The following C10orf143 variants were observed in gnomAD, a reference collection of about 807,000 sequenced individuals.
C10orf143 encodes the protein uncharacterized protein C10orf143.
chr10:130,075,100 GA>G (rs998153258), intron 3 of C10orf143, among the ~76,000 whole-genome samples: 2 of 151,578 alleles, frequency 1.3e-5, no homozygotes, highest in Non-Finnish European at 2.9e-5. Flanking sequence ...AAAAAAAAAA[GA>G]AAAAAAGATA....
chr10:130,110,716 A>C lies in C10orf143; in HGVS notation c.57T>G (p.Val19=). The change falls in exon 1 of 4, where the codon GTT becomes GTG. Residue 19 remains valine (V), a synonymous_variant. Coordinates refer to ENST00000637128, the MANE Select transcript of C10orf143 (RefSeq NM_001355042.2). ...CCCGGGGGCTCACCACGTCCCCCGG[A>C]ACCTGCAGATCCTCCGCCCTCCGCT... ...WRQRRAEDLQ[V]PGDVKRVCRR... 2.5e-6 allele frequency: 1 copy of C among 398,886 alleles called. No homozygotes were observed. Among genetic ancestry groups the C allele is most frequent in the East Asian group, 3.6e-5 (1 of 28,064 alleles). The allele number at this position is 398,886 out of a possible 1,614,324, so 24.7% of individuals were successfully genotyped here.
chr10:130,082,855 T>C (rs1861231282), intron 1 of C10orf143, among the ~76,000 whole-genome samples: 1 of 152,176 alleles, frequency 6.6e-6, no homozygotes, highest in Non-Finnish European at 1.5e-5. Flanking sequence ...AATTCTCTAA[T>C]CTTGGTGTAG....
At chr10:130,092,433 G>A (rs1312410549) in intron 1 of C10orf143, among the ~76,000 whole-genome samples, 1 of 152,088 alleles carries the variant, frequency 6.6e-6, no homozygotes, top group Non-Finnish European at 1.5e-5. Context: ...ATATGGAAAG[G>A]AAAAACTGGT....
At chr10:130,106,723 G>A (rs1422562913) in intron 1 of C10orf143, 1 of 1,258,002 alleles carries the variant, frequency 7.9e-7, no homozygotes, top group African/African-American at 1.5e-5. Context: ...AACAGCTTTT[G>A]CAAGAAGCTG....
At chr10:130,044,852 A>C (rs1053750031) in intron 3 of C10orf143, among the ~76,000 whole-genome samples, 1 of 152,144 alleles carries the variant, frequency 6.6e-6, no homozygotes, top group African/African-American at 2.4e-5. Flanking sequence ...CAAGAGGTGC[A>C]AACAGAGAGG....
At chr10:130,079,381 T>C (rs1251428558) in intron 3 of C10orf143, among the ~76,000 whole-genome samples, 185 bp downstream of exon 3, 1 of 152,258 alleles carries the variant, frequency 6.6e-6, no homozygotes. Context: ...AATCTGAAGC[T>C]GGACACAAAT....
At chr10:130,046,103 G>A (rs1216547558) in intron 3 of C10orf143, among the ~76,000 whole-genome samples, 3 of 151,734 alleles carry the variant, frequency 2.0e-5, no homozygotes, top group Non-Finnish European at 4.4e-5. Context: ...GGGATGGGGC[G>A]GGGCGTGGGA....
chr10:130,049,028 G>A (rs1435606930), intron 3 of C10orf143, among the ~76,000 whole-genome samples: 2 of 152,122 alleles, frequency 1.3e-5, no homozygotes, highest in Admixed American at 6.5e-5. Context: ...ATAACCAAAT[G>A]CAGACGCTCT....
At chr10:130,084,653 C>T (rs940713968) in intron 1 of C10orf143, among the ~76,000 whole-genome samples, 4 of 3,344 alleles carry the variant, frequency 1.2e-3, no homozygotes, top group Non-Finnish European at 5.0e-3. Flanking sequence ...GCAGGTGATA[C>T]ACACACACAC....
intron 1 of C10orf143, among the ~76,000 whole-genome samples, chr10:130,100,593 C>T (rs1005974522): frequency 3.3e-5 from 5 of 152,256 alleles, no homozygotes; most frequent in African/African-American, 2.4e-5. Flanking sequence ...GTTAATATAA[C>T]TGTATATGTA....
intron 1 of C10orf143, among the ~76,000 whole-genome samples, chr10:130,090,634 C>T (rs1861366352): frequency 6.6e-6 from 1 of 152,128 alleles, no homozygotes; most frequent in South Asian, 2.1e-4. Context: ...ATCCCACCCC[C>T]AAGGAGCCCA....
At chr10:130,104,729 G>C (rs1025469092) in intron 1 of C10orf143, 3 of 152,194 alleles carry the variant, frequency 2.0e-5, no homozygotes, top group African/African-American at 7.2e-5. Flanking sequence ...AAGAAGTATT[G>C]CAACCTGAAG....
At chr10:130,079,983 C>T (rs1861180635) in intron 1 of C10orf143, 82 bp from the exon 2 acceptor site, 1 of 398,090 alleles carries the variant, frequency 2.5e-6, no homozygotes. Flanking sequence ...AAAACTTCAG[C>T]TGCAAATACA....
At chr10:130,054,193 GC>G (rs1421547017) in intron 3 of C10orf143, among the ~76,000 whole-genome samples, 1 of 152,108 alleles carries the variant, frequency 6.6e-6, no homozygotes, top group Non-Finnish European at 1.5e-5. Flanking sequence ...CCTCCCTCCA[GC>G]TCCTGGCAAG....
At chr10:130,074,159 G>A (rs1168298870) in intron 3 of C10orf143, among the ~76,000 whole-genome samples, 1 of 152,218 alleles carries the variant, frequency 6.6e-6, no homozygotes, top group East Asian at 1.9e-4. Flanking sequence ...CAGCCAAAAA[G>A]AGCAGAAAGC....
intron 3 of C10orf143, among the ~76,000 whole-genome samples, chr10:130,054,468 T>C (rs1860774170): frequency 6.6e-6 from 1 of 152,234 alleles, no homozygotes; most frequent in Admixed American, 6.5e-5. Flanking sequence ...TTGTGAATAG[T>C]GCTACAATGA....
At chr10:130,092,673 A>C (rs758568162) in intron 1 of C10orf143, among the ~76,000 whole-genome samples, 15 of 152,198 alleles carry the variant, frequency 9.9e-5, no homozygotes, top group Non-Finnish European at 2.2e-4. Flanking sequence ...CAGGAGACCC[A>C]TCTCACCTGC....
At chr10:130,094,163 G>A (rs957717879) in intron 1 of C10orf143, among the ~76,000 whole-genome samples, 8 of 151,846 alleles carry the variant, frequency 5.3e-5, no homozygotes, top group South Asian at 2.1e-4. Context: ...ATACCCTCCC[G>A]AAACTAAACC....
chr10:130,108,133 A>G, intron 1 of C10orf143: 1 of 1,562,378 alleles, frequency 6.4e-7, no homozygotes, highest in East Asian at 2.2e-5. Flanking sequence ...CTCTTGCCCT[A>G]ATCAGAGGTC....
Sources: gnomAD v4.1 joint callset for allele counts (sites outside exome capture counted in the v4.1 genomes callset) on GRCh38, gnomAD v4.1.1 for gene constraint, MANE v1.5 for transcripts, NCBI Gene and HGNC (gene_info 2026-07-23, HGNC 2026-07-21) for gene names.